ADAMTSL1: variants seen among roughly 807,000 people sequenced by gnomAD.
The protein encoded by ADAMTSL1 is ADAMTS-like protein 1.
A neutral mutation model predicts 201.8 loss-of-function variants in ADAMTSL1; 126 were observed. That is an observed-to-expected ratio of 0.62 (90% CI 0.54 to 0.72). The LOEUF (loss-of-function observed/expected upper bound fraction) is 0.72. Ranked by LOEUF, ADAMTSL1 falls within the 30% of genes least tolerant of loss-of-function variation. ADAMTSL1 has a pLI of 0.00. For synonymous variants in ADAMTSL1, 1,121 were observed against 903.4 expected, an observed-to-expected ratio of 1.24 and a Z score of -4.32; for missense variants, 2,679 against 2,277.8, an observed-to-expected ratio of 1.18 and a Z score of -3.59.
chr9:18,637,417 G>A (rs754862698), intron 6 of ADAMTSL1, among the ~76,000 whole-genome samples: 1 of 152,144 alleles, frequency 6.6e-6, no homozygotes, highest in Non-Finnish European at 1.5e-5. Context: ...ACATCACCAA[G>A]TGGGGGACTG....
chr9:18,644,154 T>C (rs1827628347), intron 7 of ADAMTSL1, among the ~76,000 whole-genome samples: 1 of 151,952 alleles, frequency 6.6e-6, no homozygotes, highest in Non-Finnish European at 1.5e-5. Flanking sequence ...GATTGTTTCA[T>C]TAATTTCTTT....
chr9:18,680,747 C>A (rs1323054467), intron 11 of ADAMTSL1: 22 of 530,296 alleles, frequency 4.1e-5, no homozygotes, highest in Middle Eastern at 4.8e-4. Context: ...CTATTGTTCC[C>A]CAGATAATGT....
rs752853583 is a variant in ADAMTSL1 at position 18,905,882 on chromosome 9, C to T, written c.4952C>T (p.Ala1651Val). 1.9e-6 allele frequency: 3 copies of T among 1,610,244 alleles called. No homozygotes were observed. Among genetic ancestry groups the T allele is most frequent in the African/African-American group, 1.3e-5 (1 of 75,018 alleles). The change falls in exon 27 of 29, where the codon GCT (alanine) becomes GTT (valine). Residue 1651 changes from alanine (A) to valine (V), a missense_variant. By Grantham distance (64) the Ala-to-Val change is moderately conservative. Transcript: ENST00000380548. ...GITLPSEQCS[A>V]LPRPVSTQNC... ...ACCTTACCATCAGAGCAGTGCAGTG[C>T]TCTTCCGAGGTAAGAGAAAGCCCTG...
chr9:18,404,144 A>C (rs1325030310), intron 2 of ADAMTSL1, among the ~76,000 whole-genome samples: 1 of 152,174 alleles, frequency 6.6e-6, no homozygotes, highest in Non-Finnish European at 1.5e-5. Context: ...CTATCTCATC[A>C]CATTCTAGTT....
chr9:18,305,466 C>G (rs1027724046), intron 2 of ADAMTSL1, among the ~76,000 whole-genome samples: 1 of 152,234 alleles, frequency 6.6e-6, no homozygotes, highest in Non-Finnish European at 1.5e-5. Context: ...GCTTGAAATT[C>G]TCGCTGCCAG....
At chr9:18,537,067 A>G (rs751471778) in intron 3 of ADAMTSL1, among the ~76,000 whole-genome samples, 3 of 150,852 alleles carry the variant, frequency 2.0e-5, no homozygotes, top group East Asian at 3.9e-4. Flanking sequence ...GTTGCTCACT[A>G]TAACATTTTA....
chr9:18,656,012 A>G (rs1828634257), intron 7 of ADAMTSL1, among the ~76,000 whole-genome samples: 1 of 151,974 alleles, frequency 6.6e-6, no homozygotes, highest in Admixed American at 6.6e-5. Flanking sequence ...ATCACTGTTT[A>G]TTCTAATTAG....
intron 14 of ADAMTSL1, among the ~76,000 whole-genome samples, chr9:18,711,968 C>A (rs1214805163): frequency 3.3e-5 from 5 of 152,216 alleles, no homozygotes; most frequent in South Asian, 4.1e-4. Flanking sequence ...AACTGGGAGG[C>A]ACCCCCCAGC....
rs1198019523 is a variant in ADAMTSL1, at chr9:17,973,483, A to G, written c.87+66561A>G. On this transcript the variant is annotated intron_variant, in intron 1 of 29. Coordinates refer to the ADAMTSL1 transcript ENST00000680146. ...AAAGATCAGATGGTTGTAGATATGC[A>G]GCATTATTTCTGAGGGCTCTGTTCT... 4.9e-4 allele frequency among the ~76,000 whole-genome samples: 64 copies of G among 129,482 alleles called. 1 individual carries two copies. Among genetic ancestry groups the G allele is most frequent in the Non-Finnish European group, 1.0e-3 (58 of 56,592 alleles). 84.9% of individuals were successfully genotyped at this position (129,482 alleles called of 152,430 possible).
chr9:18,537,691 C>T (rs1369929810), intron 3 of ADAMTSL1, among the ~76,000 whole-genome samples: 1 of 151,858 alleles, frequency 6.6e-6, no homozygotes, highest in Non-Finnish European at 1.5e-5. Context: ...GCCTGAGAAA[C>T]ATAGCAAGAC....
intron 1 of ADAMTSL1, among the ~76,000 whole-genome samples, chr9:18,012,683 G>C (rs556207238): frequency 8.5e-5 from 13 of 152,058 alleles, no homozygotes; most frequent in Non-Finnish European, 1.8e-4. Flanking sequence ...TAGGAAGGAG[G>C]ATGTGAGGTG....
chr9:18,338,142 G>A (rs576859502), intron 2 of ADAMTSL1, among the ~76,000 whole-genome samples: 9 of 152,152 alleles, frequency 5.9e-5, no homozygotes, highest in South Asian at 4.2e-4. Flanking sequence ...TCTGTTTTCC[G>A]TAGTTTGCTT....
intron 1 of ADAMTSL1, among the ~76,000 whole-genome samples, chr9:17,907,545 C>G (rs1199488013): frequency 6.6e-6 from 1 of 152,152 alleles, no homozygotes; most frequent in Non-Finnish European, 1.5e-5. Flanking sequence ...GACCATACCC[C>G]CTCCGAATCC....
At chr9:18,480,556 C>T (rs74784461) in intron 1 of ADAMTSL1, among the ~76,000 whole-genome samples, 5,667 of 152,256 alleles carry the variant, frequency 0.037, 331 homozygotes, top group African/African-American at 0.13. Flanking sequence ...AAGAAACAAA[C>T]TTTGTTGTGT....
intron 2 of ADAMTSL1, among the ~76,000 whole-genome samples, chr9:18,459,669 A>G (rs1820736883): frequency 6.6e-6 from 1 of 152,180 alleles, no homozygotes; most frequent in South Asian, 2.1e-4. Flanking sequence ...ATTGAGCAGT[A>G]TCAAATTTTA....
At chr9:18,890,135 T>C (rs565371102) in intron 25 of ADAMTSL1, among the ~76,000 whole-genome samples, 1 of 152,324 alleles carries the variant, frequency 6.6e-6, no homozygotes, top group East Asian at 1.9e-4. Flanking sequence ...GAAACAACGA[T>C]TACTGGGTTC....
intron 2 of ADAMTSL1, among the ~76,000 whole-genome samples, chr9:18,254,829 CTAATT>C (rs1329863416): frequency 6.6e-6 from 1 of 151,984 alleles, no homozygotes; most frequent in African/African-American, 2.4e-5. Flanking sequence ...GTCGGCTTTG[CTAATT>C]TACTTTGTTA....
Position 18,225,137 on chromosome 9 carries a change from T to C in ADAMTSL1, c.207+61156T>C, listed in dbSNP as rs114741978. Among the ~76,000 whole-genome samples the C allele has an allele frequency of 6.8e-3, 1,030 of 152,294 alleles. 18 individuals carry two copies. Among genetic ancestry groups the C allele is most frequent in the African/African-American group, 0.024 (999 of 41,572 alleles). On this transcript the variant is annotated intron_variant, in intron 2 of 29. Transcript: ENST00000680146. ...TAATAGGCTCTGAAGGAAGGTTAAA[T>C]ATATGGACTTTGTGATATTTTAACC...
chr9:18,089,563 A>T (rs1263731623), intron 1 of ADAMTSL1, among the ~76,000 whole-genome samples: 1 of 152,180 alleles, frequency 6.6e-6, no homozygotes, highest in Non-Finnish European at 1.5e-5. Context: ...GTGTATACAC[A>T]TGTAACAAAC....
Sources: gnomAD v4.1 joint callset for allele counts (sites outside exome capture counted in the v4.1 genomes callset) on GRCh38, gnomAD v4.1.1 for gene constraint, MANE v1.5 for transcripts, NCBI Gene and HGNC (gene_info 2026-07-23, HGNC 2026-07-21) for gene names.